Variants in DOT1L observed in about 807,000 individuals in gnomAD.
DOT1L encodes the protein DOT1 like histone lysine methyltransferase, also known as histone-lysine N-methyltransferase, H3 lysine-79 specific.
DOT1L carries 33 observed loss-of-function variants against 153.3 expected under a neutral mutation model. The observed-to-expected ratio is 0.22, with a 90% CI of 0.16 to 0.29. DOT1L has a LOEUF of 0.29. DOT1L is among the 10% of genes least tolerant of loss of function. The probability of loss-of-function intolerance (pLI) is 1.00; values close to 1 mark genes in which losing one functional copy is unlikely to be tolerated. For synonymous variants in DOT1L, 1,135 were observed against 965.1 expected (o/e 1.18, Z -3.26); for missense variants, 1,847 against 2,119.9 (o/e 0.87, Z 2.53).
At chr19:2,216,228 C>T (rs2023892213) in intron 19 of DOT1L, 53 bp from the exon 20 acceptor site, 7 of 1,521,320 alleles carry the variant, frequency 4.6e-6, no homozygotes, top group East Asian at 2.3e-5. Context: ...AGTCTTGGTT[C>T]CCTGGAGTGG....
At chr19:2,225,071 T>G (rs1236142981) in intron 25 of DOT1L, among the ~76,000 whole-genome samples, 2 of 152,252 alleles carry the variant, frequency 1.3e-5, no homozygotes, top group Non-Finnish European at 2.9e-5. Context: ...GAGCTCTGTC[T>G]GGGATTCTCA....
At chr19:2,212,699 C>T (rs976065142) in intron 16 of DOT1L, 3 of 152,276 alleles carry the variant, frequency 2.0e-5, no homozygotes, top group African/African-American at 4.8e-5. Context: ...AAGCAGGCAT[C>T]AGCGATCCAA....
Position 2,226,423 on chromosome 19 carries a change from CGGG to C in DOT1L, c.3905_3907del (p.Gly1302del), listed in dbSNP as rs749554088. 4 of 1,600,364 alleles carry C rather than the reference CGGG, an allele frequency of 2.5e-6. No individual in the cohort carries two copies. The South Asian group carries it at 4.4e-5, about 18-fold the overall frequency. ...AGGAAAGGCTTTCCCGGCTCCCTGT[CGGG>C]GGCTGACGGACTCAGCCCGGGCACC... On this transcript the variant is annotated inframe_deletion, in exon 27 of 28. Coordinates refer to ENST00000398665, the MANE Select transcript of DOT1L (RefSeq NM_032482.3).
rs985105993 is a variant in DOT1L at position 2,216,516 on chromosome 19, A to G, written c.2159A>G (p.Tyr720Cys). The G allele has an allele frequency of 4.3e-6, 7 of 1,612,156 alleles. No homozygotes were observed. The highest frequency in any genetic ancestry group is 3.3e-5 in the South Asian group (3 of 91,082). Residue 720 changes from tyrosine (Y) to cysteine (C), a missense_variant, in exon 20 of 28, where the codon TAT (tyrosine) becomes TGT (cysteine). Coordinates refer to ENST00000398665, the MANE Select transcript of DOT1L (RefSeq NM_032482.3). The part of the protein sequence containing the change: ...ELSMNGQAAG[Y>C]ELCGVLSRPS... ...TCCATGAACGGCCAGGCTGCTGGCT[A>G]TGAGCTCTGCGGTGTGCTGAGCCGG...
At chr19:2,186,771 G>A (rs73916864) in intron 3 of DOT1L, among the ~76,000 whole-genome samples, 10,360 of 152,340 alleles carry the variant, frequency 0.068, 601 homozygotes, top group African/African-American at 0.15. Flanking sequence ...TGCTGGCAGG[G>A]TCCTGCGTGC....
intron 1 of DOT1L, among the ~76,000 whole-genome samples, chr19:2,166,104 G>A (rs1252863661): frequency 2.7e-5 from 4 of 149,106 alleles, no homozygotes; most frequent in East Asian, 2.0e-4. Context: ...ATGTTATGTT[G>A]TTATTTTTGG....
rs1246488664 is a variant in DOT1L at position 2,190,795 on chromosome 19, C to G, written c.265-217C>G. Among the ~76,000 whole-genome samples the G allele has an allele frequency of 6.6e-6, 1 of 151,888 alleles. No individual in the cohort carries two copies. The highest frequency in any genetic ancestry group is 1.5e-5 in the Non-Finnish European group (1 of 67,946). On this transcript the variant is annotated intron_variant, in intron 4 of 27. Transcript: ENST00000398665. This position sits in a 1 kb window ranked among gnomAD's most constrained non-coding sequence, Gnocchi z 4.8. ...GGAGGTGGAGCCTCCTAGGACCCCT[C>G]TGAGTTGGGGCCTGTCCCTGGGGAT...
chr19:2,188,559 G>A (rs1379298510), intron 3 of DOT1L, among the ~76,000 whole-genome samples: 1 of 150,760 alleles, frequency 6.6e-6, no homozygotes, highest in Non-Finnish European at 1.5e-5. Flanking sequence ...TCTGGGAGGG[G>A]CCGTCCTGGG....
chr19:2,211,620 C>T (rs2023718335), intron 15 of DOT1L, 131 bp from the exon 16 acceptor site: 1 of 769,142 alleles, frequency 1.3e-6, no homozygotes, highest in African/African-American at 1.7e-5. Context: ...CCGCCAGGCT[C>T]TGCTGAGCTC....
In DOT1L at chr19:2,226,732, C is replaced by G. The variant is rs375419278; in HGVS notation, c.4211C>G (p.Pro1404Arg). Residue 1404 changes from proline to arginine, a missense_variant, in exon 27 of 28, where the codon CCA (proline) becomes CGA (arginine). Around this residue, in one of 8 missense-constraint regions of DOT1L, gnomAD observed 934 missense variants for 825.3 expected, o/e 1.13. Transcript: ENST00000398665. ...CTGTGCGGGCCCACGGACAAGACCCCACTGCTGAGCGGCAAGGCCGCCAAG... is the reference window on the plus strand; with the variant it reads ...CTGTGCGGGCCCACGGACAAGACCCGACTGCTGAGCGGCAAGGCCGCCAAG... ...LPLCGPTDKT[P>R]LLSGKAAKAR... 7.1e-5 allele frequency: 110 copies of G among 1,557,786 alleles called. No homozygotes were observed. Among genetic ancestry groups the G allele is most frequent in the Non-Finnish European group, 9.2e-5 (106 of 1,157,992 alleles).
At position 2,180,887 on chromosome 19, in the gene DOT1L, CAG is replaced by C. The variant is rs537154957; in HGVS notation, c.125+132_125+133del. 1.4e-4 allele frequency: 153 copies of C among 1,095,310 alleles called. 1 individual carries two copies. The African/African-American group carries it at 1.8e-3, about 13-fold the overall frequency. 67.8% of individuals were successfully genotyped at this position (1,095,310 alleles called of 1,614,324 possible). On this transcript the variant is annotated intron_variant, in intron 2 of 27. Transcript: ENST00000398665. ...CTCCTGGAGGTGTTGTGAAGCGGAT[CAG>C]GGGTGACTCAGGGACGGGTAGAGCT...
rs775449403 is a variant in DOT1L at position 2,228,053 on chromosome 19, C to G, written c.4606+926C>G. ...CGCTGCTGGCCTCTAACCCTGAGCC[C>G]GCGCTTCTGCAGAGCCTCGCGTCCC... On this transcript the variant is annotated intron_variant, in intron 27 of 27. Transcript: ENST00000398665. 20 of 1,308,488 alleles carry G rather than the reference C, an allele frequency of 1.5e-5. No individual in the cohort carries two copies. The Admixed American group carries it at 4.3e-4, about 28-fold the overall frequency. The allele number at this position is 1,308,488 out of a possible 1,614,324, so 81.1% of individuals were successfully genotyped here.
chr19:2,210,291 C>A, intron 12 of DOT1L, 109 bp from the exon 13 acceptor site: 1 of 975,658 alleles, frequency 1.0e-6, no homozygotes, highest in Non-Finnish European at 1.5e-6. Context: ...TTGCAGTGGA[C>A]AGAGTTGGGC....
intron 7 of DOT1L, 37 bp downstream of exon 7, chr19:2,194,614 G>C: frequency 6.9e-6 from 11 of 1,601,698 alleles, no homozygotes; most frequent in Non-Finnish European, 9.3e-6. Flanking sequence ...CCCATCGCCG[G>C]CCCCACCCCC....
chr19:2,210,303 C>T (rs561283019), intron 12 of DOT1L, 97 bp from the exon 13 acceptor site: 56 of 1,093,542 alleles, frequency 5.1e-5, no homozygotes, highest in South Asian at 4.9e-4. Context: ...GAGTTGGGCC[C>T]GTGGCCCCCT....
chr19:2,197,328 A>G lies in DOT1L; in HGVS notation c.652-2556A>G, dbSNP rs185745417. On this transcript the variant is annotated intron_variant, in intron 7 of 27. Coordinates refer to ENST00000398665, the MANE Select transcript of DOT1L (RefSeq NM_032482.3). The surrounding 1 kb of genome is among the most constrained non-coding windows in gnomAD (Gnocchi z 4.1). ...TTGCACTCTGGCCGGAAGTTCCCAC[A>G]TGGGTTCCTGGCTGTGGCAGGCGAG... Among the ~76,000 whole-genome samples the G allele has an allele frequency of 4.3e-4, 66 of 152,176 alleles. No homozygotes were observed. The East Asian group carries it at 0.011, about 26-fold the overall frequency.
At position 2,190,348 on chromosome 19, in the gene DOT1L, G is replaced by A. The variant is rs559924034; in HGVS notation, c.264+553G>A. Among the ~76,000 whole-genome samples, 1 of 152,120 alleles carries A rather than the reference G, an allele frequency of 6.6e-6. No homozygotes were observed. Among genetic ancestry groups the A allele is most frequent in the Non-Finnish European group, 1.5e-5 (1 of 68,002 alleles). On this transcript the variant is annotated intron_variant, in intron 4 of 27. Coordinates refer to ENST00000398665, the MANE Select transcript of DOT1L (RefSeq NM_032482.3). This position sits in a 1 kb window ranked among gnomAD's most constrained non-coding sequence, Gnocchi z 4.8. ...CACCGGGGGCCCCTGGTGCATGGGG[G>A]TAGGGGAGCTCTTTCTTGAAGGTCT...
In DOT1L at chr19:2,217,846, C is replaced by T. The variant is rs376379273; in HGVS notation, c.2619C>T (p.Thr873=). 1.2e-5 allele frequency: 20 copies of T among 1,611,630 alleles called. No homozygotes were observed. The highest frequency in any genetic ancestry group is 3.3e-5 in the Admixed American group (2 of 59,850). ...TGCCCATCAGCATCCCGCTCAGCAC[C>T]GTGCAGCCCAACAAGCTCCCGGTCA... ...TSLPISIPLS[T]VQPNKLPVSI... is the part of the protein sequence containing the mutation. The change falls in exon 22 of 28, where the codon ACC becomes ACT. Residue 873 remains threonine (T), a synonymous_variant. Transcript: ENST00000398665. This position sits in a 1 kb window ranked among gnomAD's most constrained non-coding sequence, Gnocchi z 7.3.
At position 2,217,752 on chromosome 19, in the gene DOT1L, G is replaced by T. The variant is rs2023959005; in HGVS notation, c.2545-20G>T. 13 of 1,590,698 alleles carry T rather than the reference G, an allele frequency of 8.2e-6. No homozygotes were observed. The highest frequency in any genetic ancestry group is 1.3e-5 in the African/African-American group (1 of 74,282). ...AGGGGTTTGTTGACCCACGACTGGG[G>T]GTCGGGCCTTCGTCTGCAGGGCCTG... On this transcript the variant is annotated intron_variant, in intron 21 of 27. Transcript: ENST00000398665. The surrounding 1 kb of genome is among the most constrained non-coding windows in gnomAD (Gnocchi z 7.3).
Sources: gnomAD v4.1 joint callset for allele counts (sites outside exome capture counted in the v4.1 genomes callset) on GRCh38, gnomAD v4.1.1 for gene constraint, gnomAD v4.1.1 regional missense constraint, Gnocchi (gnomAD v3.1) non-coding constraint, MANE v1.5 for transcripts, NCBI Gene and HGNC (gene_info 2026-07-23, HGNC 2026-07-21) for gene names.